The following SMYD3 variants were observed in gnomAD, a reference collection of about 807,000 sequenced individuals.
The protein encoded by SMYD3 is histone-lysine N-methyltransferase SMYD3.
A neutral mutation model predicts 57.7 loss-of-function variants in SMYD3; 36 were observed. That is an observed-to-expected ratio of 0.62 (90% CI 0.48 to 0.82). SMYD3 has a LOEUF of 0.82. Among genes scored for constraint, SMYD3 ranks in the 40% least tolerant of loss-of-function variants. SMYD3 has a pLI of 0.00. For synonymous variants in SMYD3, 211 were observed against 195.0 expected, an observed-to-expected ratio of 1.08 and a Z score of -0.68; for missense variants, 515 against 538.8, an observed-to-expected ratio of 0.96 and a Z score of 0.44.
At chr1:245,767,841 T>G (rs904411421) in intron 10 of SMYD3, among the ~76,000 whole-genome samples, 1 of 152,188 alleles carries the variant, frequency 6.6e-6, no homozygotes, top group Non-Finnish European at 1.5e-5. Context: ...ACTCTGGACT[T>G]ACCTTGCCAG....
At chr1:245,974,026 A>G (rs1485611544) in intron 5 of SMYD3, among the ~76,000 whole-genome samples, 3 of 152,098 alleles carry the variant, frequency 2.0e-5, no homozygotes, top group African/African-American at 7.2e-5. Context: ...AACAGTTTCA[A>G]TCAAGTCACA....
At chr1:245,978,825 A>G (rs562979577) in intron 5 of SMYD3, among the ~76,000 whole-genome samples, 1 of 152,142 alleles carries the variant, frequency 6.6e-6, no homozygotes, top group Non-Finnish European at 1.5e-5. Context: ...GTTCCCTCCA[A>G]CACTACGAAG....
intron 5 of SMYD3, among the ~76,000 whole-genome samples, chr1:246,289,132 C>T (rs2064635711): frequency 6.6e-6 from 1 of 152,016 alleles, no homozygotes; most frequent in Non-Finnish European, 1.5e-5. Flanking sequence ...AAATAATAAT[C>T]TTAAAAAGCG....
chr1:246,444,414 G>A (rs571849195), intron 1 of SMYD3, among the ~76,000 whole-genome samples: 57 of 152,126 alleles, frequency 3.7e-4, no homozygotes, highest in East Asian at 9.7e-4. Context: ...ATGAGCCATC[G>A]CGCCCAGCCC....
chr1:246,234,712 G>A (rs921189179), intron 5 of SMYD3, among the ~76,000 whole-genome samples: 14 of 151,932 alleles, frequency 9.2e-5, no homozygotes, highest in African/African-American at 3.4e-4. Flanking sequence ...TTGCAAGAAA[G>A]GCTAAACACC....
intron 5 of SMYD3, among the ~76,000 whole-genome samples, chr1:246,124,048 T>C (rs1423752004): frequency 2.6e-5 from 4 of 152,248 alleles, no homozygotes; most frequent in Non-Finnish European, 4.4e-5. Context: ...GATGTTGTCT[T>C]CGTATTTACC....
intron 8 of SMYD3, among the ~76,000 whole-genome samples, chr1:245,882,764 C>A (rs1200422547): frequency 1.3e-5 from 2 of 152,090 alleles, no homozygotes; most frequent in African/African-American, 4.8e-5. Context: ...TCTGTTGACA[C>A]AAAACGTTTA....
chr1:245,920,574 C>T (rs2055846086), intron 7 of SMYD3, among the ~76,000 whole-genome samples: 1 of 152,124 alleles, frequency 6.6e-6, no homozygotes, highest in Admixed American at 6.5e-5. Flanking sequence ...TATCACAAGC[C>T]ACCACCTGAG....
intron 8 of SMYD3, among the ~76,000 whole-genome samples, chr1:245,899,802 G>C (rs1372382525): frequency 6.6e-6 from 1 of 152,212 alleles, no homozygotes; most frequent in African/African-American, 2.4e-5. Context: ...CTGAAGGCCT[G>C]AGTGGAACCA....
At chr1:245,940,793 C>G (rs193281401) in intron 5 of SMYD3, among the ~76,000 whole-genome samples, 51 of 152,306 alleles carry the variant, frequency 3.3e-4, no homozygotes, top group Non-Finnish European at 6.2e-4. Flanking sequence ...CCAGCAAGGG[C>G]ACAGAACTAG....
At chr1:246,200,279 C>T (rs1024942808) in intron 5 of SMYD3, among the ~76,000 whole-genome samples, 1 of 149,162 alleles carries the variant, frequency 6.7e-6, no homozygotes, top group African/African-American at 2.5e-5. Flanking sequence ...AGACGCTGAG[C>T]GAGAATGTAC....
At chr1:245,900,290 T>C (rs2054100177) in intron 8 of SMYD3, among the ~76,000 whole-genome samples, 1 of 152,178 alleles carries the variant, frequency 6.6e-6, no homozygotes, top group African/African-American at 2.4e-5. Context: ...GCCTCTTCTA[T>C]AGCTAAAGGT....
chr1:246,126,650 A>G lies in SMYD3; in HGVS notation c.532-196713T>C, dbSNP rs2148049972. Among the ~76,000 whole-genome samples the G allele has an allele frequency of 2.6e-5, 4 of 152,326 alleles. 1 individual carries two copies. Among genetic ancestry groups the G allele is most frequent in the Non-Finnish European group, 1.5e-5 (1 of 68,022 alleles). ...ATGTTACATTTATAGGATTCTATGT[A>G]TGTTTATGTGTATACTTATTTACTC... On this transcript the variant is annotated intron_variant, in intron 5 of 11. Transcript: ENST00000490107.
At position 246,226,572 on chromosome 1, in the gene SMYD3, C is replaced by T. The variant is rs115865615; in HGVS notation, c.531+100629G>A. ...TAAAACTTCTTCACTCGAGTCACTG[C>T]AGCGTCTGCCACCATTTGTGTTAGT... On this transcript the variant is annotated intron_variant, in intron 5 of 11. Transcript: ENST00000490107. 2.1e-3 allele frequency among the ~76,000 whole-genome samples: 318 copies of T among 152,306 alleles called. 2 individuals carry two copies. Among genetic ancestry groups the T allele is most frequent in the African/African-American group, 7.3e-3 (302 of 41,574 alleles).
At chr1:245,916,545 C>G (rs1367005831) in intron 7 of SMYD3, among the ~76,000 whole-genome samples, 2 of 152,160 alleles carry the variant, frequency 1.3e-5, no homozygotes, top group African/African-American at 2.4e-5. Context: ...GTTGAAGCCT[C>G]AGAGTCATCC....
chr1:245,983,921 T>C (rs2058650578), intron 5 of SMYD3, among the ~76,000 whole-genome samples: 1 of 152,044 alleles, frequency 6.6e-6, no homozygotes, highest in Admixed American at 6.6e-5. Flanking sequence ...ACTAATCATA[T>C]TATAGGTCAA....
intron 5 of SMYD3, among the ~76,000 whole-genome samples, chr1:246,220,317 G>A (rs548443567): frequency 4.0e-4 from 20 of 50,444 alleles, no homozygotes; most frequent in East Asian, 1.3e-3. Context: ...CGCCCCACCC[G>A]CCATGCTCTC....
chr1:246,384,681 G>A (rs575974210), intron 1 of SMYD3, among the ~76,000 whole-genome samples: 1 of 152,282 alleles, frequency 6.6e-6, no homozygotes, highest in South Asian at 2.1e-4. Flanking sequence ...ACAGGCGTGA[G>A]CCACTGCACC....
At chr1:246,217,483 T>G (rs2063182964) in intron 5 of SMYD3, among the ~76,000 whole-genome samples, 1 of 152,080 alleles carries the variant, frequency 6.6e-6, no homozygotes, top group Non-Finnish European at 1.5e-5. Flanking sequence ...CACTCCAGCC[T>G]GGGTAATAGA....
Sources: allele counts gnomAD v4.1 joint callset (sites outside exome capture counted in the v4.1 genomes callset), GRCh38; gene constraint gnomAD v4.1.1; transcripts MANE v1.5; gene names NCBI Gene and HGNC (gene_info 2026-07-23, HGNC 2026-07-21).